The following ATR variants were observed in gnomAD, a reference collection of about 807,000 sequenced individuals.
ATR encodes ATR checkpoint kinase, also known as serine/threonine-protein kinase ATR.
A neutral mutation model predicts 305.3 loss-of-function variants in ATR; 142 were observed. The ratio of observed to expected loss-of-function variants is 0.47; its 90% CI spans 0.41 to 0.53. The LOEUF (loss-of-function observed/expected upper bound fraction) is 0.53, where lower values mean the gene tolerates loss of function less well. ATR is among the 20% of genes least tolerant of loss of function. The pLI, the probability that ATR is intolerant of heterozygous loss-of-function variation, is 0.00. For synonymous variants in ATR, 1,050 were observed against 1,068.1 expected (o/e 0.98, Z 0.33); for missense variants, 2,135 against 3,133.1 (o/e 0.68, Z 7.60).
Position 142,562,247 on chromosome 3 carries a change from A to G in ATR, c.1155T>C (p.Ile385=). The change falls in exon 4 of 47, where the codon ATT becomes ATC. Residue 385 remains isoleucine, a synonymous_variant. Transcript: ENST00000350721. ...AATTACTTACCTCTGCATCTACCTCAATTCCAAGCACATCCAAAAGAGCTT... is the reference window on the plus strand; with the variant it reads ...AATTACTTACCTCTGCATCTACCTCGATTCCAAGCACATCCAAAAGAGCTT... ...ICKALLDVLG[I]EVDAEYLLGP... 6.2e-7 allele frequency: 1 copy of G among 1,614,110 alleles called. No individual in the cohort carries two copies. The highest frequency in any genetic ancestry group is 8.5e-7 in the Non-Finnish European group (1 of 1,179,980).
chr3:142,562,969 G>C lies in ATR; in HGVS notation c.433C>G (p.Leu145Val). 6.2e-7 allele frequency: 1 copy of C among 1,609,450 alleles called. No individual in the cohort carries two copies. Among genetic ancestry groups the C allele is most frequent in the Non-Finnish European group, 8.5e-7 (1 of 1,178,862 alleles). Residue 145 changes from leucine (L) to valine (V), a missense_variant, in exon 4 of 47, where the codon CTC becomes GTC. Around this residue, in one of 9 missense-constraint regions of ATR, gnomAD observed 744 missense variants for 873.2 expected, o/e 0.85. Transcript: ENST00000350721. ...KSKSPAIFGV[L>V]TKELLQLFED... is the part of the protein sequence containing the mutation. ...AAAAGTTGTAATAATTCTTTTGTGA[G>C]TACCCCAAAAATAGCAGGACTCTTG...
rs1247149996 is a variant in ATR, at chr3:142,538,356, CTT to C, written c.3725+124_3725+125del. 3.6e-5 allele frequency: 37 copies of C among 1,032,906 alleles called. No homozygotes were observed. The East Asian group carries it at 9.7e-4, about 27-fold the overall frequency. The allele number at this position is 1,032,906 out of a possible 1,614,324, so 64.0% of individuals were successfully genotyped here. A position where few individuals can be genotyped will look rare whatever the true frequency, so the allele number is the denominator to read the frequency against. On this transcript the variant is annotated intron_variant, in intron 19 of 46. Coordinates refer to ENST00000350721, the MANE Select transcript of ATR (RefSeq NM_001184.4). ...TCAATATGTAATTACATGCCAATTA[CTT>C]TTGTTTATTGATAAACCCTGAAATT...
rs1344689716 is a variant in ATR, at chr3:142,550,168, G to A, written c.2940C>T (p.Asn980=). The A allele has an allele frequency of 6.2e-6, 10 of 1,614,012 alleles. No individual in the cohort carries two copies. The highest frequency in any genetic ancestry group is 3.3e-5 in the Admixed American group (2 of 59,994). Reference sequence around the variant, plus strand: ...GATTAAGATCAGGAAAGTCGAAAACGTTGGCAATTTCAGACAACGTATTTA... The same window carrying A: ...GATTAAGATCAGGAAAGTCGAAAACATTGGCAATTTCAGACAACGTATTTA... ...MALNTLSEIA[N]VFDFPDLNRF... The change falls in exon 14 of 47, where the codon AAC becomes AAT. Residue 980 remains asparagine, a synonymous_variant. Coordinates refer to ENST00000350721, the MANE Select transcript of ATR (RefSeq NM_001184.4).
At chr3:142,568,961 G>A (rs916986535) in intron 1 of ATR, among the ~76,000 whole-genome samples, 4 of 152,326 alleles carry the variant, frequency 2.6e-5, no homozygotes, top group African/African-American at 9.6e-5. Context: ...CCTCGGTGTA[G>A]TGGGTGGCAG....
chr3:142,478,839 T>C (rs2030164579), intron 36 of ATR, among the ~76,000 whole-genome samples: 2 of 152,116 alleles, frequency 1.3e-5, no homozygotes, highest in South Asian at 4.1e-4. Flanking sequence ...TTTACCATTA[T>C]GTAATGGCCT....
chr3:142,505,407 A>G lies in ATR; in HGVS notation c.5032-104T>C, dbSNP rs1303404139. 5 of 1,416,190 alleles carry G rather than the reference A, an allele frequency of 3.5e-6. No homozygotes were observed. In the African/African-American group the frequency reaches 5.7e-5, roughly 16 times the overall value. The allele number at this position is 1,416,190 out of a possible 1,614,324, so 87.7% of individuals were successfully genotyped here. On this transcript the variant is annotated intron_variant, in intron 28 of 46. Transcript: ENST00000350721. The stretch of plus-strand genomic sequence containing the variant: ...TATTGAAACAGCAATTTTTTGAGAA[A>G]TTTTTCCTCAAAGTAATAGTAAGCA...
intron 34 of ATR, among the ~76,000 whole-genome samples, chr3:142,495,222 A>G (rs1013653277): frequency 7.9e-5 from 12 of 152,206 alleles, no homozygotes; most frequent in Non-Finnish European, 1.6e-4. Flanking sequence ...CACTAGCTCA[A>G]TAAAATGACC....
intron 46 of ATR, chr3:142,452,309 A>G (rs1577487250): frequency 6.1e-6 from 6 of 988,202 alleles, no homozygotes; most frequent in Non-Finnish European, 6.0e-6. Flanking sequence ...AAGCCTGTAC[A>G]AGACTTATTA....
intron 1 of ATR, among the ~76,000 whole-genome samples, chr3:142,570,046 C>T (rs1346503688): frequency 6.6e-6 from 1 of 152,170 alleles, no homozygotes; most frequent in Non-Finnish European, 1.5e-5. Flanking sequence ...AGCATCTTCT[C>T]ATGTGCTTAT....
In ATR at chr3:142,499,632, G is replaced by A. The variant is rs2108344510; in HGVS notation, c.5375C>T (p.Ala1792Val). 6.2e-7 allele frequency: 1 copy of A among 1,613,720 alleles called. No homozygotes were observed. The highest frequency in any genetic ancestry group is 8.5e-7 in the Non-Finnish European group (1 of 1,179,702). Residue 1792 changes from alanine (A) to valine (V), a missense_variant, in exon 31 of 47, where the codon GCA becomes GTA. Transcript: ENST00000350721. ...ATTTTAAGAAGTAATTTTACCTGCT[G>A]CCAAATAGTTTTCCACCAAATCCCA... ...SQWDLVENYL[A>V]ADGKSTTWSV...
chr3:142,525,199 A>G (rs1321913796), intron 21 of ATR, among the ~76,000 whole-genome samples: 1 of 152,104 alleles, frequency 6.6e-6, no homozygotes, highest in African/African-American at 2.4e-5. Flanking sequence ...CATATACTAA[A>G]TGTCCATATG....
intron 41 of ATR, among the ~76,000 whole-genome samples, chr3:142,463,805 T>A (rs989537079): frequency 4.6e-5 from 7 of 152,304 alleles, no homozygotes; most frequent in Non-Finnish European, 8.8e-5. Context: ...TAACTTTTTT[T>A]AAAAAACAAA....
At position 142,491,125 on chromosome 3, in the gene ATR, A is replaced by G. The variant is rs188173348; in HGVS notation, c.6078+2007T>C. Among the ~76,000 whole-genome samples the G allele has an allele frequency of 2.4e-4, 37 of 152,264 alleles. 1 individual carries two copies. Among genetic ancestry groups the G allele is most frequent in the African/African-American group, 7.7e-4 (32 of 41,574 alleles). ...TCACTCCAAAAAAAAAATTGTACCA[A>G]TTAGCAGTCACTTCCCAGCCCCAAC... On this transcript the variant is annotated intron_variant, in intron 35 of 46. Transcript: ENST00000350721.
chr3:142,449,261 AAT>A lies in ATR; in HGVS notation c.*166_*167del. 1.6e-6 allele frequency: 1 copy of A among 628,952 alleles called. No homozygotes were observed. The highest frequency in any genetic ancestry group is 2.7e-6 in the Non-Finnish European group (1 of 369,202). 39.0% of individuals were successfully genotyped at this position (628,952 alleles called of 1,614,324 possible). A position where few individuals can be genotyped will look rare whatever the true frequency, so the allele number is the denominator to read the frequency against. On this transcript the variant is annotated 3_prime_UTR_variant, in exon 47 of 47. Transcript: ENST00000350721. ...GTATTAAGAAAGCAGTTTATTTCTT[AAT>A]AACTGAATGTATATTATTTTACATA...
chr3:142,471,249 G>A (rs886625154), intron 36 of ATR, among the ~76,000 whole-genome samples: 4 of 152,064 alleles, frequency 2.6e-5, no homozygotes, highest in East Asian at 3.9e-4. Context: ...TAATGTCCTC[G>A]AGGTTCATCT....
chr3:142,562,884 A>C lies in ATR; in HGVS notation c.518T>G (p.Val173Gly). 6.2e-7 allele frequency: 1 copy of C among 1,613,020 alleles called. No homozygotes were observed. The highest frequency in any genetic ancestry group is 2.2e-5 in the East Asian group (1 of 44,876). The change falls in exon 4 of 47, where the codon GTG becomes GGG. Residue 173 changes from valine (V) to glycine (G), a missense_variant. Val to Gly is a moderately radical substitution (Grantham distance 109). Coordinates refer to ENST00000350721, the MANE Select transcript of ATR (RefSeq NM_001184.4). Reference protein sequence around the residue: ...NVMGHAVEWPVVMSRFLSQLD... With the variant: ...NVMGHAVEWPGVMSRFLSQLD... The stretch of plus-strand genomic sequence containing the variant: ...TTGACTTAAAAATCGGCTCATGACC[A>C]CTGGCCATTCCACAGCATGACCCAT...
intron 3 of ATR, among the ~76,000 whole-genome samples, chr3:142,564,356 G>T (rs774263725): frequency 1.3e-5 from 2 of 152,152 alleles, no homozygotes; most frequent in Non-Finnish European, 2.9e-5. Context: ...CTTACTAGTT[G>T]TATAAACTTT....
At chr3:142,558,238 C>G (rs898809985) in intron 8 of ATR, among the ~76,000 whole-genome samples, 3 of 151,780 alleles carry the variant, frequency 2.0e-5, no homozygotes, top group Non-Finnish European at 4.4e-5. Flanking sequence ...ACAAACCACA[C>G]AAGGCCAGGC....
chr3:142,509,746 T>TG (rs1245563598), intron 27 of ATR, among the ~76,000 whole-genome samples: 3 of 151,396 alleles, frequency 2.0e-5, no homozygotes, highest in Non-Finnish European at 4.4e-5. Context: ...TTTGTAGAGA[T>TG]GGGGGTCTCT....
Sources: allele counts gnomAD v4.1 joint callset (sites outside exome capture counted in the v4.1 genomes callset), GRCh38; gene constraint gnomAD v4.1.1; regional missense constraint gnomAD v4.1.1; transcripts MANE v1.5; gene names NCBI Gene and HGNC (gene_info 2026-07-23, HGNC 2026-07-21).